Variants in CERT1 observed in about 807,000 individuals in gnomAD.
CERT1 encodes ceramide transfer protein.
In CERT1, 31 loss-of-function variants were observed where a neutral mutation model predicts 87.9. The ratio of observed to expected loss-of-function variants is 0.35; its 90% CI spans 0.27 to 0.48. The LOEUF (loss-of-function observed/expected upper bound fraction) is 0.48. Among genes scored for constraint, CERT1 ranks in the 20% least tolerant of loss-of-function variants. The pLI is 0.99. For missense variants in CERT1, 487 were observed against 758.0 expected (o/e 0.64, Z 4.20); for synonymous variants, 289 against 250.9 (o/e 1.15, Z -1.44).
Position 75,475,818 on chromosome 5 carries a change from T to A in CERT1, c.232-16637A>T, listed in dbSNP as rs182431386. Reference sequence around the variant, plus strand: ...AGGTCACAGATGGTATATAAACTTTTGTAACCTTAGGCAATTTAAACTCTC... The same window carrying A: ...AGGTCACAGATGGTATATAAACTTTAGTAACCTTAGGCAATTTAAACTCTC... On this transcript the variant is annotated intron_variant, in intron 2 of 16. Transcript: ENST00000643780. Among the ~76,000 whole-genome samples, 12 of 152,290 alleles carry A rather than the reference T, an allele frequency of 7.9e-5. No individual in the cohort carries two copies. The East Asian group carries it at 2.3e-3, about 29-fold the overall frequency.
chr5:75,374,062 T>C (rs996455534), downstream of CERT1: 9 of 398,682 alleles, frequency 2.3e-5, no homozygotes, highest in Admixed American at 8.8e-5. Context: ...TATTTTGTCA[T>C]TTTTGTACAC....
rs543599778 is a variant in CERT1 at position 75,425,402 on chromosome 5, C to A, written c.554G>T (p.Cys185Phe). 3.1e-6 allele frequency: 5 copies of A among 1,613,918 alleles called. No homozygotes were observed. The highest frequency in any genetic ancestry group is 3.4e-6 in the Non-Finnish European group (4 of 1,179,918). ...VDTLQKYFDA[C>F]ADAVSKDELQ... Reference sequence around the variant, plus strand: ...TTCATCCTTAGAGACAGCATCAGCACAGGCATCAAAGTACTTCTGTAGCGT... The same window carrying A: ...TTCATCCTTAGAGACAGCATCAGCAAAGGCATCAAAGTACTTCTGTAGCGT... Residue 185 changes from cysteine (C) to phenylalanine (F), a missense_variant, in exon 5 of 17, where the codon TGT becomes TTT. This residue lies in a region of CERT1 where 173 missense variants were observed against 302.2 expected (regional missense o/e 0.57). Transcript: ENST00000643780.
At chr5:75,485,365 T>C (rs1766475233) in intron 2 of CERT1, among the ~76,000 whole-genome samples, 1 of 144,758 alleles carries the variant, frequency 6.9e-6, no homozygotes, top group Non-Finnish European at 1.5e-5. Context: ...AGAGAGCCTA[T>C]GGTATACAGT....
chr5:75,452,470 G>A (rs913254780), intron 3 of CERT1, among the ~76,000 whole-genome samples: 5 of 152,090 alleles, frequency 3.3e-5, no homozygotes, highest in Admixed American at 6.6e-5. Flanking sequence ...GAAAGCCTTC[G>A]TGCTAGTTTT....
At chr5:75,452,891 T>C (rs1220255638) in intron 3 of CERT1, among the ~76,000 whole-genome samples, 3 of 152,184 alleles carry the variant, frequency 2.0e-5, no homozygotes, top group African/African-American at 7.2e-5. Context: ...AAATGCAGAA[T>C]ATTAATGGAC....
chr5:75,427,455 C>T (rs1274869280), intron 3 of CERT1, among the ~76,000 whole-genome samples: 2 of 152,020 alleles, frequency 1.3e-5, no homozygotes, highest in African/African-American at 2.4e-5. Context: ...AAAAATTAGC[C>T]GGGCATGGTG....
At chr5:75,387,512 C>G (rs915437991) in intron 12 of CERT1, among the ~76,000 whole-genome samples, 1 of 151,578 alleles carries the variant, frequency 6.6e-6, no homozygotes, top group African/African-American at 2.4e-5. Context: ...GAGGCCGAGG[C>G]GGGCGGATCA....
Position 75,385,995 on chromosome 5 carries a change from C to G in CERT1, c.1324G>C (p.Asp442His). ...ACTGCATGGGTAGCTTTTAAAGGAT[C>G]CAGAACAATCCCATTTTCTTCTACT... ...REVEENGIVL[D>H]PLKATHAVKG... is the part of the protein sequence containing the mutation. Residue 442 changes from aspartate (D) to histidine (H), a missense_variant, in exon 13 of 17, where the codon GAT becomes CAT. Physicochemically the swap from Asp to His is moderately conservative, Grantham distance 81. Around this residue, in one of 8 missense-constraint regions of CERT1, gnomAD observed 147 missense variants for 200.8 expected, o/e 0.73. Transcript: ENST00000643780. 1 of 1,586,534 alleles carries G rather than the reference C, an allele frequency of 6.3e-7. No homozygotes were observed.
chr5:75,450,836 G>C (rs1054086583), intron 3 of CERT1, among the ~76,000 whole-genome samples: 1 of 152,138 alleles, frequency 6.6e-6, no homozygotes, highest in African/African-American at 2.4e-5. Flanking sequence ...CTGAACCAAT[G>C]TATGCCTCAC....
intron 2 of CERT1, among the ~76,000 whole-genome samples, chr5:75,502,633 C>A (rs1016900762): frequency 6.6e-6 from 1 of 152,072 alleles, no homozygotes; most frequent in African/African-American, 2.4e-5. Flanking sequence ...TATAGTCCTA[C>A]ATATTTTCTG....
chr5:75,436,902 T>C (rs1764120049), intron 3 of CERT1, among the ~76,000 whole-genome samples: 2 of 152,300 alleles, frequency 1.3e-5, no homozygotes, highest in South Asian at 4.1e-4. Context: ...CCAAGTATGC[T>C]GCATGCTGGG....
downstream of CERT1, chr5:75,376,378 T>C (rs1451449455): frequency 2.6e-5 from 4 of 152,238 alleles, no homozygotes; most frequent in Middle Eastern, 6.8e-3. Flanking sequence ...AGTGAGGTCA[T>C]AGTGAAGAAG....
intron 12 of CERT1, among the ~76,000 whole-genome samples, chr5:75,389,194 G>A (rs1193091265): frequency 1.3e-5 from 2 of 151,748 alleles, no homozygotes; most frequent in African/African-American, 4.8e-5. Flanking sequence ...AAAGAAGGAG[G>A]GTATAGACCA....
At chr5:75,464,282 C>CT (rs964843364) in intron 2 of CERT1, among the ~76,000 whole-genome samples, 2 of 152,062 alleles carry the variant, frequency 1.3e-5, no homozygotes, top group African/African-American at 4.8e-5. Context: ...CCAGAATTGA[C>CT]TGAGTCATTA....
At chr5:75,508,243 T>C (rs777389912) in intron 1 of CERT1, among the ~76,000 whole-genome samples, 53 of 152,168 alleles carry the variant, frequency 3.5e-4, no homozygotes, top group Non-Finnish European at 6.6e-4. Flanking sequence ...TTATTCTCTT[T>C]GTGTTCTTTT....
chr5:75,370,276 A>T (rs1440744870), intron 17 of CERT1: 1 of 152,230 alleles, frequency 6.6e-6, no homozygotes, highest in Non-Finnish European at 1.5e-5. Flanking sequence ...TTCAATATGA[A>T]TCCACTGACT....
chr5:75,491,297 T>A (rs1159181509), intron 2 of CERT1, among the ~76,000 whole-genome samples: 1 of 152,186 alleles, frequency 6.6e-6, no homozygotes, highest in Admixed American at 6.5e-5. Context: ...TTCCTTTTTT[T>A]CTTGCAGGTC....
At chr5:75,386,861 C>A (rs1224894292) in intron 12 of CERT1, among the ~76,000 whole-genome samples, 1 of 152,054 alleles carries the variant, frequency 6.6e-6, no homozygotes, top group Non-Finnish European at 1.5e-5. Context: ...CTAGTAAGCT[C>A]TTTACTATTC....
intron 2 of CERT1, among the ~76,000 whole-genome samples, chr5:75,463,752 G>A (rs1045559385): frequency 6.6e-6 from 1 of 152,164 alleles, no homozygotes; most frequent in South Asian, 2.1e-4. Context: ...AAGTTGAGAC[G>A]GGAGGTCAGT....
Sources: gnomAD v4.1 joint callset for allele counts (sites outside exome capture counted in the v4.1 genomes callset) on GRCh38, gnomAD v4.1.1 for gene constraint, gnomAD v4.1.1 regional missense constraint, MANE v1.5 for transcripts, NCBI Gene and HGNC (gene_info 2026-07-23, HGNC 2026-07-21) for gene names.